The following AK9 variants were observed in gnomAD, a reference collection of about 807,000 sequenced individuals.
AK9 encodes the protein adenylate kinase domain containing 1.
A neutral mutation model predicts 239.6 loss-of-function variants in AK9; 191 were observed. The ratio of observed to expected loss-of-function variants is 0.80; its 90% CI spans 0.71 to 0.90. AK9 has a LOEUF of 0.90. Ranked by LOEUF, AK9 falls within the 40% of genes least tolerant of loss-of-function variation. The pLI, the probability that AK9 is intolerant of heterozygous loss-of-function variation, is 0.00. For missense variants in AK9, 1,995 were observed against 2,214.7 expected (o/e 0.90, Z 1.99); for synonymous variants, 689 against 721.0 (o/e 0.96, Z 0.71).
At chr6:109,683,379 G>A (rs541364466) in intron 1 of AK9, among the ~76,000 whole-genome samples, 92 of 152,282 alleles carry the variant, frequency 6.0e-4, no homozygotes, top group African/African-American at 2.1e-3. Flanking sequence ...ATTCAACACA[G>A]TATTGGAAGT....
chr6:109,642,041 G>T (rs1008948241), intron 9 of AK9, among the ~76,000 whole-genome samples: 11 of 152,158 alleles, frequency 7.2e-5, no homozygotes, highest in Admixed American at 5.2e-4. Context: ...AGGGATGATT[G>T]CCATGTGAAG....
intron 12 of AK9, among the ~76,000 whole-genome samples, chr6:109,623,904 C>CACACACACA (rs772870675): frequency 8.0e-6 from 1 of 124,300 alleles, no homozygotes; most frequent in African/African-American, 3.7e-5. Flanking sequence ...CACACACACA[C>CACACACACA]ATTTCTTCTC....
At chr6:109,564,398 T>A in intron 22 of AK9, 118 bp from the exon 23 acceptor site, 1 of 689,568 alleles carries the variant, frequency 1.5e-6, no homozygotes. Context: ...AATAATATTC[T>A]AAGCAACAAT....
rs1582789706 is a variant in AK9, at chr6:109,514,263, T to C, written c.4240A>G (p.Ile1414Val). The C allele has an allele frequency of 6.4e-7, 1 of 1,551,818 alleles. No individual in the cohort carries two copies. Among genetic ancestry groups the C allele is most frequent in the Non-Finnish European group, 8.7e-7 (1 of 1,146,964 alleles). Residue 1414 changes from isoleucine to valine, a missense_variant, in exon 32 of 41, where the codon ATT becomes GTT. Physicochemically the swap from Ile to Val is conservative, Grantham distance 29. This residue lies in a region of AK9 where 1,290 missense variants were observed against 1,392.7 expected (regional missense o/e 0.93). Transcript: ENST00000424296. ...PKPKPTVPIR[I>V]IIVGPPKSGK... Reference sequence around the variant, plus strand: ...GATTTTGGAGGCCCCACAATTATAATCCTAATGGGCACAGTAGGCTTAGGT... The same window carrying C: ...GATTTTGGAGGCCCCACAATTATAACCCTAATGGGCACAGTAGGCTTAGGT...
intron 10 of AK9, 56 bp from the exon 11 acceptor site, chr6:109,633,379 G>C: frequency 6.7e-7 from 1 of 1,499,680 alleles, no homozygotes; most frequent in Non-Finnish European, 9.0e-7. Context: ...CTGAAATTAG[G>C]AGCATTAAAT....
chr6:109,611,307 G>C (rs991467003), intron 16 of AK9, among the ~76,000 whole-genome samples: 5 of 152,204 alleles, frequency 3.3e-5, no homozygotes, highest in African/African-American at 1.2e-4. Context: ...TGGAAAGCCA[G>C]AGCAGAAAAG....
chr6:109,664,827 G>A (rs944911382), intron 5 of AK9, among the ~76,000 whole-genome samples: 22 of 151,994 alleles, frequency 1.4e-4, no homozygotes, highest in African/African-American at 4.6e-4. Context: ...AAGGTCAGGC[G>A]TTCAAGACCA....
At chr6:109,690,559 C>A (rs543944800) in intron 1 of AK9, 11 of 152,326 alleles carry the variant, frequency 7.2e-5, no homozygotes, top group African/African-American at 2.6e-4. Flanking sequence ...GACCTCTGGC[C>A]GCCACGCACC....
At chr6:109,504,894 C>T (rs1446251429) in intron 35 of AK9, among the ~76,000 whole-genome samples, 1 of 152,162 alleles carries the variant, frequency 6.6e-6, no homozygotes, top group Non-Finnish European at 1.5e-5. Context: ...AACTTCTGCA[C>T]GTGACTTTTC....
chr6:109,515,927 G>T lies in AK9; in HGVS notation c.3995C>A (p.Pro1332His), dbSNP rs1488218011. ...IFEKCHPIPA[P>H]LAQKMLTFTY... ...AAAGGTGAGCATTTTCTGGGCAAGGGGTGCTGGTATTGGATGACATTTCTC... is the reference window on the plus strand; with the variant it reads ...AAAGGTGAGCATTTTCTGGGCAAGGTGTGCTGGTATTGGATGACATTTCTC... The change falls in exon 31 of 41, where the codon CCC becomes CAC. Residue 1332 changes from proline to histidine, a missense_variant. By Grantham distance (77) the Pro-to-His change is moderately conservative (BLOSUM62 -2). This residue lies in a region of AK9 where 1,290 missense variants were observed against 1,392.7 expected (regional missense o/e 0.93). Transcript: ENST00000424296. 3 of 1,551,626 alleles carry T rather than the reference G, an allele frequency of 1.9e-6. No homozygotes were observed. The highest frequency in any genetic ancestry group is 2.6e-6 in the Non-Finnish European group (3 of 1,146,896).
chr6:109,638,918 T>C (rs1269627331), intron 10 of AK9, among the ~76,000 whole-genome samples: 2 of 152,212 alleles, frequency 1.3e-5, no homozygotes, highest in Admixed American at 6.5e-5. Context: ...TTTCTGTCCT[T>C]GCCATAGTTT....
chr6:109,674,052 A>T, intron 3 of AK9, 146 bp downstream of exon 3: 2 of 451,986 alleles, frequency 4.4e-6, no homozygotes, highest in Non-Finnish European at 7.5e-6. Flanking sequence ...ATAGGTGGAC[A>T]AATGTGTGAT....
chr6:109,683,291 C>A (rs886917111), intron 1 of AK9, among the ~76,000 whole-genome samples: 4 of 152,174 alleles, frequency 2.6e-5, no homozygotes, highest in African/African-American at 9.7e-5. Flanking sequence ...CAGCCAATAT[C>A]ATATTGAATG....
chr6:109,570,399 G>A (rs1450225492), intron 21 of AK9, among the ~76,000 whole-genome samples: 1 of 151,920 alleles, frequency 6.6e-6, no homozygotes, highest in African/African-American at 2.4e-5. Context: ...TGCATGTTGT[G>A]CACATGTACC....
intron 27 of AK9, among the ~76,000 whole-genome samples, chr6:109,538,470 C>T (rs568093715): frequency 2.0e-5 from 3 of 152,264 alleles, no homozygotes; most frequent in South Asian, 4.1e-4. Context: ...AGATCTTCCT[C>T]CATCCCTTTA....
At chr6:109,564,921 C>T in intron 21 of AK9, 76 bp from the exon 22 acceptor site, 1 of 1,141,864 alleles carries the variant, frequency 8.8e-7, no homozygotes, top group Non-Finnish European at 1.2e-6. Context: ...GCACAAAGAA[C>T]ATTTCAAAAT....
chr6:109,504,235 G>T (rs193219641), intron 35 of AK9, among the ~76,000 whole-genome samples: 2 of 151,738 alleles, frequency 1.3e-5, no homozygotes, highest in East Asian at 3.9e-4. Flanking sequence ...ATGGTGGCAT[G>T]CATCTGTAGT....
In AK9 at chr6:109,533,271, C is replaced by T. The variant is rs569544713; in HGVS notation, c.3550G>A (p.Asp1184Asn). ...CATACCCTGATTTTTGCCTTCATGT[C>T]TTTGATCAGTTTCTTCCTTTCTAAT... is the stretch of plus-strand genomic sequence containing the variant. ...KKLERKKLIK[D>N]MKAKIRVDTI... The change falls in exon 28 of 41, where the codon GAC becomes AAC. Residue 1184 changes from aspartate to asparagine, a missense_variant. This residue lies in a region of AK9 where 1,290 missense variants were observed against 1,392.7 expected (regional missense o/e 0.93). Coordinates refer to ENST00000424296, the MANE Select transcript of AK9 (RefSeq NM_001145128.3). The T allele has an allele frequency of 5.6e-6, 9 of 1,607,580 alleles. No individual in the cohort carries two copies. The highest frequency in any genetic ancestry group is 2.7e-5 in the African/African-American group (2 of 74,598).
intron 5 of AK9, among the ~76,000 whole-genome samples, chr6:109,663,054 T>C (rs186890503): frequency 4.6e-5 from 7 of 152,262 alleles, no homozygotes; most frequent in African/African-American, 1.4e-4. Flanking sequence ...CTCATATTAA[T>C]ATTTCATAAT....
Sources: allele counts gnomAD v4.1 joint callset (sites outside exome capture counted in the v4.1 genomes callset), GRCh38; gene constraint gnomAD v4.1.1; regional missense constraint gnomAD v4.1.1; transcripts MANE v1.5; gene names NCBI Gene and HGNC (gene_info 2026-07-23, HGNC 2026-07-21).